Variants in KIAA0753 observed in about 807,000 individuals in gnomAD.
KIAA0753 encodes KIAA0753.
Under a neutral mutation model 116.9 loss-of-function variants are expected in KIAA0753, and 114 were observed. The ratio of observed to expected loss-of-function variants is 0.98; its 90% confidence interval spans 0.84 to 1.14. The LOEUF (loss-of-function observed/expected upper bound fraction) is 1.14. Ranked by LOEUF, KIAA0753 falls within the 50% of genes most tolerant of loss-of-function variation. KIAA0753 has a pLI of 0.00. For synonymous variants in KIAA0753, 405 were observed against 413.1 expected (o/e 0.98, Z 0.24); for missense variants, 1,156 against 1,172.4 (o/e 0.99, Z 0.20).
chr17:6,617,257 C>T (rs1305687590), intron 7 of KIAA0753, among the ~76,000 whole-genome samples: 2 of 152,132 alleles, frequency 1.3e-5, no homozygotes, highest in Non-Finnish European at 2.9e-5. Context: ...ATGCTGGGCT[C>T]ATCATAGAGG....
chr17:6,612,251 G>C, intron 7 of KIAA0753, 103 bp from the exon 8 acceptor site: 1 of 792,238 alleles, frequency 1.3e-6, no homozygotes, highest in Non-Finnish European at 2.0e-6. Flanking sequence ...ACCTATCCTA[G>C]CCCTGCTGAG....
chr17:6,631,370 A>G (rs186140973), intron 2 of KIAA0753, among the ~76,000 whole-genome samples: 2 of 152,356 alleles, frequency 1.3e-5, no homozygotes, highest in East Asian at 1.9e-4. Context: ...GACACGGATT[A>G]CAATTCAGAA....
intron 16 of KIAA0753, among the ~76,000 whole-genome samples, chr17:6,590,949 A>G (rs1968951078): frequency 1.3e-5 from 2 of 150,248 alleles, no homozygotes; most frequent in East Asian, 1.9e-4. Flanking sequence ...GTCTTAAGCA[A>G]TTGGGTTTTT....
At chr17:6,583,081 C>T (rs779920684) in intron 18 of KIAA0753, among the ~76,000 whole-genome samples, 1 of 152,176 alleles carries the variant, frequency 6.6e-6, no homozygotes, top group African/African-American at 2.4e-5. Context: ...CCCCAAAATA[C>T]CCTTTTTAAT....
intron 2 of KIAA0753, among the ~76,000 whole-genome samples, chr17:6,631,612 GGAGAT>G (rs1187658320): frequency 1.3e-5 from 2 of 152,122 alleles, no homozygotes; most frequent in Non-Finnish European, 2.9e-5. Context: ...GAAACAGGAA[GGAGAT>G]GAGAAAGTGT....
intron 2 of KIAA0753, among the ~76,000 whole-genome samples, chr17:6,633,927 A>G (rs1023404269): frequency 6.6e-6 from 1 of 152,116 alleles, no homozygotes; most frequent in Non-Finnish European, 1.5e-5. Context: ...ACTTTCTAGG[A>G]TAACAGAAAT....
At position 6,607,256 on chromosome 17, in the gene KIAA0753, T is replaced by A. The variant is rs1358513104; in HGVS notation, c.1844A>T (p.Asp615Val). The A allele has an allele frequency of 1.9e-6, 3 of 1,614,024 alleles. No individual in the cohort carries two copies. In the African/African-American group the frequency reaches 4.0e-5, roughly 22 times the overall value. Reference protein sequence around the residue: ...EHEAARLAWLDAETSKRLKEL... With the variant: ...EHEAARLAWLVAETSKRLKEL... ...CTTCAATCTTTTGGAAGTTTCAGCATCAAGCCAAGCGAGCCTAGCAGACAG... is the reference window on the plus strand; with the variant it reads ...CTTCAATCTTTTGGAAGTTTCAGCAACAAGCCAAGCGAGCCTAGCAGACAG... The change falls in exon 11 of 19, where the codon GAT becomes GTT. Residue 615 changes from aspartate (D) to valine (V), a missense_variant. Physicochemically the swap from Asp to Val is radical, Grantham distance 152 (BLOSUM62 -3). Coordinates refer to ENST00000361413, the MANE Select transcript of KIAA0753 (RefSeq NM_014804.3).
chr17:6,594,024 T>C (rs1466853189), intron 16 of KIAA0753, among the ~76,000 whole-genome samples: 2 of 152,176 alleles, frequency 1.3e-5, no homozygotes, highest in Non-Finnish European at 2.9e-5. Flanking sequence ...TGATAAAGAT[T>C]TGTCAATTTT....
chr17:6,631,819 T>C (rs1021306067), intron 2 of KIAA0753, among the ~76,000 whole-genome samples: 2 of 152,122 alleles, frequency 1.3e-5, no homozygotes, highest in African/African-American at 4.8e-5. Context: ...AGAATCAAAG[T>C]CTCCTTGGAT....
Position 6,589,955 on chromosome 17 carries a change from C to T in KIAA0753, c.2610G>A (p.Glu870=). The change falls in exon 18 of 19, where the codon GAG becomes GAA. Residue 870 remains glutamate (E), a synonymous_variant. Transcript: ENST00000361413. ...CTTCGGCTAGGGAGAGAAGAGGGGC[C>T]TCTCTTTTCTCTGATCCTTCCTCTG... The part of the protein sequence containing the change: ...VGTEEGSEKR[E]APLLSLAEDS... 6.2e-7 allele frequency: 1 copy of T among 1,600,754 alleles called. No individual in the cohort carries two copies. Among genetic ancestry groups the T allele is most frequent in the Non-Finnish European group, 8.5e-7 (1 of 1,175,798 alleles).
At chr17:6,610,196 A>T in intron 8 of KIAA0753, 36 bp from the exon 9 acceptor site, 1 of 1,606,296 alleles carries the variant, frequency 6.2e-7, no homozygotes, top group Non-Finnish European at 8.5e-7. Flanking sequence ...AGGCCACACA[A>T]ATACCAAAGA....
intron 18 of KIAA0753, among the ~76,000 whole-genome samples, chr17:6,587,030 T>C (rs993555459): frequency 6.6e-6 from 1 of 152,036 alleles, no homozygotes; most frequent in Non-Finnish European, 1.5e-5. Context: ...AGGTTATGAG[T>C]TCGAGACCAG....
rs372249626 is a variant in KIAA0753, at chr17:6,621,006, A to T, written c.1105-8T>A. On this transcript the variant is annotated splice_region_variant and splice_polypyrimidine_tract_variant and intron_variant, in intron 6 of 18. Transcript: ENST00000361413. ...CAGGAGAGATTCCAAAGCCTGCCACAAAAACAATCAATTATTCTCTTAGTT... is the reference window on the plus strand; with the variant it reads ...CAGGAGAGATTCCAAAGCCTGCCACTAAAACAATCAATTATTCTCTTAGTT... 1.4e-4 allele frequency: 231 copies of T among 1,610,942 alleles called. 1 individual carries two copies. The highest frequency in any genetic ancestry group is 8.1e-4 in the Middle Eastern group (4 of 4,940).
intron 7 of KIAA0753, among the ~76,000 whole-genome samples, chr17:6,617,415 A>G (rs993984805): frequency 2.0e-5 from 3 of 152,246 alleles, no homozygotes; most frequent in African/African-American, 7.2e-5. Context: ...AATATCTAAC[A>G]GTAAATGAAT....
intron 1 of KIAA0753, 194 bp downstream of exon 1, chr17:6,640,442 AG>A (rs1972599546): frequency 1.3e-5 from 2 of 152,392 alleles, no homozygotes; most frequent in Middle Eastern, 3.4e-3. Flanking sequence ...TCTCCCTCCG[AG>A]CCCCTCACCC....
intron 2 of KIAA0753, among the ~76,000 whole-genome samples, chr17:6,629,696 G>A (rs1044257471): frequency 6.6e-6 from 1 of 152,312 alleles, no homozygotes; most frequent in African/African-American, 2.4e-5. Context: ...CTGTGATGCC[G>A]TGACCTTGGA....
At chr17:6,593,433 C>T (rs548973643) in intron 16 of KIAA0753, among the ~76,000 whole-genome samples, 1 of 150,872 alleles carries the variant, frequency 6.6e-6, no homozygotes, top group East Asian at 1.9e-4. Context: ...TTCGGGAGGC[C>T]GGGCGCAATG....
intron 7 of KIAA0753, among the ~76,000 whole-genome samples, chr17:6,619,100 G>A (rs1369781352): frequency 1.3e-5 from 2 of 152,038 alleles, no homozygotes; most frequent in South Asian, 2.1e-4. Context: ...GTGGTGGCAC[G>A]CACCTGTAAT....
intron 7 of KIAA0753, 29 bp from the exon 8 acceptor site, chr17:6,612,177 G>T: frequency 6.6e-7 from 1 of 1,504,956 alleles, no homozygotes; most frequent in Non-Finnish European, 9.2e-7. Context: ...AAAACAAACT[G>T]AGGAAAATGC....
Sources: gnomAD v4.1 joint callset for allele counts (sites outside exome capture counted in the v4.1 genomes callset) on GRCh38, gnomAD v4.1.1 for gene constraint, MANE v1.5 for transcripts, NCBI Gene and HGNC (gene_info 2026-07-23, HGNC 2026-07-21) for gene names.